GRM5: variants seen among roughly 807,000 people sequenced by gnomAD.
The protein encoded by GRM5 is glutamate metabotropic receptor 5.
In GRM5, 19 loss-of-function variants were observed where a neutral mutation model predicts 83.1. The observed-to-expected ratio is 0.23, with a 90% CI of 0.16 to 0.34. The LOEUF is 0.34. GRM5 is among the 10% of genes least tolerant of loss of function. The probability of loss-of-function intolerance (pLI) is 1.00; values close to 1 mark genes in which losing one functional copy is unlikely to be tolerated. For missense variants in GRM5, 1,160 were observed against 1,588.3 expected, an observed-to-expected ratio of 0.73 and a Z score of 4.58; for synonymous variants, 675 against 633.6, an observed-to-expected ratio of 1.07 and a Z score of -0.98.
intron 9 of GRM5, among the ~76,000 whole-genome samples, chr11:88,510,217 G>A (rs1344561080): frequency 6.6e-6 from 1 of 152,262 alleles, no homozygotes; most frequent in African/African-American, 2.4e-5. Flanking sequence ...TTGAATAACA[G>A]TTCAATGAGT....
At chr11:89,007,774 AC>A (rs1565332843) in intron 2 of GRM5, among the ~76,000 whole-genome samples, 1 of 152,090 alleles carries the variant, frequency 6.6e-6, no homozygotes, top group Non-Finnish European at 1.5e-5. Flanking sequence ...CAGTTAGAAG[AC>A]TCTTATGAAA....
chr11:89,025,439 G>T (rs997757140), intron 2 of GRM5, among the ~76,000 whole-genome samples: 1 of 152,100 alleles, frequency 6.6e-6, no homozygotes, highest in Admixed American at 6.6e-5. Context: ...GGAGAGTAGA[G>T]TCAATATACT....
intron 3 of GRM5, among the ~76,000 whole-genome samples, chr11:88,840,487 T>TC (rs995411720): frequency 6.6e-6 from 1 of 152,158 alleles, no homozygotes; most frequent in Non-Finnish European, 1.5e-5. Flanking sequence ...CCTTTTTTTT[T>TC]CCCATACCCA....
At chr11:88,534,282 A>C (rs1482063920) in intron 8 of GRM5, among the ~76,000 whole-genome samples, 1 of 152,208 alleles carries the variant, frequency 6.6e-6, no homozygotes, top group Non-Finnish European at 1.5e-5. Context: ...GTGTGCCTGG[A>C]AAAGCGGTAG....
chr11:88,815,242 T>C (rs1255161377), intron 3 of GRM5, among the ~76,000 whole-genome samples: 1 of 152,142 alleles, frequency 6.6e-6, no homozygotes, highest in African/African-American at 2.4e-5. Flanking sequence ...TTGACCACAA[T>C]AGAATTAAAT....
chr11:88,747,971 G>C (rs2135423808), intron 3 of GRM5, among the ~76,000 whole-genome samples: 1 of 152,178 alleles, frequency 6.6e-6, no homozygotes. Flanking sequence ...GATTGACTAG[G>C]CAAACAACCT....
At chr11:88,863,982 A>T (rs1944614296) in intron 2 of GRM5, among the ~76,000 whole-genome samples, 1 of 151,464 alleles carries the variant, frequency 6.6e-6, no homozygotes, top group Non-Finnish European at 1.5e-5. Context: ...GATCCAGTAC[A>T]ATAAAGGTGA....
chr11:88,970,550 A>G (rs149293098), intron 2 of GRM5, among the ~76,000 whole-genome samples: 2 of 152,328 alleles, frequency 1.3e-5, no homozygotes, highest in East Asian at 3.9e-4. Context: ...ACATTGATTT[A>G]TCTTGGACAG....
In GRM5 at chr11:89,029,108, A is replaced by G. The variant is rs186345569; in HGVS notation, c.661+18104T>C. On this transcript the variant is annotated intron_variant, in intron 2 of 9. Coordinates refer to ENST00000305447, the MANE Select transcript of GRM5 (RefSeq NM_001143831.3). The stretch of plus-strand genomic sequence containing the variant: ...CATCCATGTCCCTGCAAAGGACGTG[A>G]ACTCATCTTTTTTATGCCTGCATAG... 2.1e-3 allele frequency among the ~76,000 whole-genome samples: 326 copies of G among 152,310 alleles called. 1 individual carries two copies. Among genetic ancestry groups the G allele is most frequent in the Middle Eastern group, 0.014 (4 of 294 alleles).
chr11:88,599,346 T>A (rs116489089), intron 5 of GRM5, among the ~76,000 whole-genome samples: 2 of 152,320 alleles, frequency 1.3e-5, no homozygotes, highest in East Asian at 3.9e-4. Context: ...AGACAATGAA[T>A]CCTCTCTTTG....
chr11:88,593,311 G>A (rs924488225), intron 6 of GRM5, among the ~76,000 whole-genome samples: 2 of 152,080 alleles, frequency 1.3e-5, no homozygotes, highest in African/African-American at 4.8e-5. Context: ...AATGACATCT[G>A]GTTAGGAAAA....
chr11:88,829,669 A>G (rs1943952487), intron 3 of GRM5, among the ~76,000 whole-genome samples: 1 of 151,806 alleles, frequency 6.6e-6, no homozygotes, highest in Non-Finnish European at 1.5e-5. Context: ...GGCACATCTG[A>G]TCATCTATCT....
At chr11:88,722,595 G>A (rs944976986) in intron 3 of GRM5, among the ~76,000 whole-genome samples, 2 of 152,140 alleles carry the variant, frequency 1.3e-5, no homozygotes, top group South Asian at 4.1e-4. Flanking sequence ...AGACAAGGGA[G>A]ATACCTGGAC....
rs1942182253 is a variant in GRM5, at chr11:88,538,254, T to C, written c.2631-12850A>G. 2.0e-5 allele frequency among the ~76,000 whole-genome samples: 3 copies of C among 152,332 alleles called. No homozygotes were observed. The South Asian group carries it at 6.2e-4, about 32-fold the overall frequency. The stretch of plus-strand genomic sequence containing the variant: ...AGAATTCCCAAAGGATGTATTTTAA[T>C]CCTACTTATGATGAGAGCTTGTTTT... On this transcript the variant is annotated intron_variant, in intron 8 of 9. Transcript: ENST00000305447.
At chr11:88,529,639 G>T (rs1309633167) in intron 8 of GRM5, among the ~76,000 whole-genome samples, 1 of 151,930 alleles carries the variant, frequency 6.6e-6, no homozygotes, top group Non-Finnish European at 1.5e-5. Context: ...TTGACATTTA[G>T]ATAAAATGCA....
At chr11:88,825,815 T>C (rs182905854) in intron 3 of GRM5, among the ~76,000 whole-genome samples, 3 of 152,290 alleles carry the variant, frequency 2.0e-5, no homozygotes, top group African/African-American at 7.2e-5. Flanking sequence ...GTGGCTTGGG[T>C]TTTAGTGCAA....
intron 2 of GRM5, among the ~76,000 whole-genome samples, chr11:88,855,638 CAT>C (rs1944461893): frequency 6.6e-6 from 1 of 151,842 alleles, no homozygotes; most frequent in Non-Finnish European, 1.5e-5. Context: ...TCTTAGGAAA[CAT>C]AGCTCACTTT....
At chr11:88,668,794 G>A (rs1026092014) in intron 3 of GRM5, among the ~76,000 whole-genome samples, 2 of 152,080 alleles carry the variant, frequency 1.3e-5, no homozygotes, top group African/African-American at 4.8e-5. Flanking sequence ...TTCTTGAATA[G>A]CAGCTCCCCA....
At chr11:88,984,888 A>C in intron 2 of GRM5, 1 of 653,592 alleles carries the variant, frequency 1.5e-6, no homozygotes, top group Non-Finnish European at 2.8e-6. Flanking sequence ...GCAAATCATG[A>C]AAATAAATTT....
Sources: gnomAD v4.1 joint callset for allele counts (sites outside exome capture counted in the v4.1 genomes callset) on GRCh38, gnomAD v4.1.1 for gene constraint, MANE v1.5 for transcripts, NCBI Gene and HGNC (gene_info 2026-07-23, HGNC 2026-07-21) for gene names.